The following ADGRL1 variants were observed in gnomAD, a reference collection of about 807,000 sequenced individuals.
The protein encoded by ADGRL1 is CIRL-1.
A neutral mutation model predicts 148.9 loss-of-function variants in ADGRL1; 31 were observed. The observed-to-expected ratio is 0.21, with a 90% CI of 0.16 to 0.28. The LOEUF (loss-of-function observed/expected upper bound fraction) is 0.28, where lower values mean the gene tolerates loss of function less well. ADGRL1 is among the 10% of genes least tolerant of loss of function. The pLI is 1.00. For synonymous variants in ADGRL1, 937 were observed against 900.3 expected (o/e 1.04, Z -0.73); for missense variants, 1,521 against 2,058.8 (o/e 0.74, Z 5.05).
chr19:14,205,419 C>A (rs1309075154), intron 1 of ADGRL1, among the ~76,000 whole-genome samples: 1 of 151,948 alleles, frequency 6.6e-6, no homozygotes, highest in African/African-American at 2.4e-5. Context: ...CCAGACGGAC[C>A]CCTCCCCATC....
Position 14,155,568 on chromosome 19 carries a change from G to A in ADGRL1, c.3126-41C>T, listed in dbSNP as rs773912156. 9.3e-6 allele frequency: 15 copies of A among 1,606,528 alleles called. No individual in the cohort carries two copies. The highest frequency in any genetic ancestry group is 1.7e-5 in the Admixed American group (1 of 59,848). On this transcript the variant is annotated intron_variant, in intron 17 of 22. Coordinates refer to ENST00000361434, the MANE Select transcript of ADGRL1 (RefSeq NM_014921.5). The surrounding 1 kb of genome is among the most constrained non-coding windows in gnomAD (Gnocchi z 5.0). ...CAGGGGAGTCAAAGTACCCGCCGGA[G>A]GGGACGGCCTCAGCCCAGGCCTCCC...
At chr19:14,204,476 G>A (rs758013483) in intron 1 of ADGRL1, among the ~76,000 whole-genome samples, 2 of 152,058 alleles carry the variant, frequency 1.3e-5, no homozygotes, top group African/African-American at 4.8e-5. Flanking sequence ...AAGGAGTGGG[G>A]TCTGGGGTCA....
intron 1 of ADGRL1, among the ~76,000 whole-genome samples, chr19:14,185,907 A>G (rs1346807678): frequency 1.3e-5 from 2 of 151,964 alleles, no homozygotes; most frequent in African/African-American, 4.8e-5. Flanking sequence ...TGCTTCCTCC[A>G]CCTGTAGCTT....
At chr19:14,178,215 G>GC (rs369053430) in intron 2 of ADGRL1, among the ~76,000 whole-genome samples, 132 of 152,198 alleles carry the variant, frequency 8.7e-4, no homozygotes, top group African/African-American at 3.0e-3. Context: ...ATAAAAACGG[G>GC]CAATTTTGGC....
chr19:14,163,294 G>T lies in ADGRL1; in HGVS notation c.507C>A (p.Ile169=). ...CKDPLQAGDR[I]YVMPWIPYRT... ...GGTAGGGGATCCAGGGCATCACGTA[G>T]ATGCGGTCACCCGCCTGCAGCGGGT... Residue 169 remains isoleucine (I), a synonymous_variant, in exon 5 of 23, where the codon ATC becomes ATA. Coordinates refer to ENST00000361434, the MANE Select transcript of ADGRL1 (RefSeq NM_014921.5). The T allele has an allele frequency of 1.9e-6, 3 of 1,613,560 alleles. No individual in the cohort carries two copies. The highest frequency in any genetic ancestry group is 2.5e-6 in the Non-Finnish European group (3 of 1,179,978).
In ADGRL1 at chr19:14,150,867, G is replaced by A. The variant is rs371738251; in HGVS notation, c.*6C>T. 51 of 1,611,070 alleles carry A rather than the reference G, an allele frequency of 3.2e-5. No individual in the cohort carries two copies. In the African/African-American group the frequency reaches 6.5e-4, roughly 21 times the overall value. On this transcript the variant is annotated 3_prime_UTR_variant, in exon 23 of 23. Transcript: ENST00000361434. Reference sequence around the variant, plus strand: ...GGGCCACCAGCCCCTGGTCCATGAGGTGCCCTCAGAGACTGGTGACCAGCT... The same window carrying A: ...GGGCCACCAGCCCCTGGTCCATGAGATGCCCTCAGAGACTGGTGACCAGCT...
intron 3 of ADGRL1, among the ~76,000 whole-genome samples, chr19:14,176,147 G>A (rs1321166191): frequency 2.0e-5 from 3 of 151,764 alleles, no homozygotes; most frequent in African/African-American, 7.3e-5. Context: ...TCAAGAGATC[G>A]AGACCATCCT....
intron 1 of ADGRL1, among the ~76,000 whole-genome samples, chr19:14,202,033 A>T (rs1166232232): frequency 6.6e-6 from 1 of 152,122 alleles, no homozygotes; most frequent in African/African-American, 2.4e-5. Flanking sequence ...CCTCCGTGGC[A>T]GAACAGCCAG....
chr19:14,203,710 C>T (rs759642450), intron 1 of ADGRL1, among the ~76,000 whole-genome samples: 171 of 152,302 alleles, frequency 1.1e-3, no homozygotes, highest in Non-Finnish European at 1.9e-3. Flanking sequence ...CCACCCCCTC[C>T]CTGCAGGCTC....
intron 2 of ADGRL1, among the ~76,000 whole-genome samples, chr19:14,183,218 C>CGAGAGA (rs1262220395): frequency 4.8e-5 from 6 of 124,868 alleles, no homozygotes; most frequent in African/African-American, 1.4e-4. Context: ...AGAGAGAGAG[C>CGAGAGA]GAGAGAGAGA....
In ADGRL1 at chr19:14,155,428, A is replaced by G. The variant is rs757972734; in HGVS notation, c.3225T>C (p.Tyr1075=). ...GGAAGGCGTTGAAGGTGGTGAAGAG[A>G]TAGGCCATGACCACCGACTCCTTGT... is the stretch of plus-strand genomic sequence containing the variant. The part of the protein sequence containing the change: ...FINKESVVMA[Y]LFTTFNAFQG... Residue 1075 remains tyrosine, a synonymous_variant, in exon 18 of 23, where the codon TAT becomes TAC. Transcript: ENST00000361434. This position sits in a 1 kb window ranked among gnomAD's most constrained non-coding sequence, Gnocchi z 5.0. The G allele has an allele frequency of 6.2e-7, 1 of 1,614,042 alleles. No individual in the cohort carries two copies. The highest frequency in any genetic ancestry group is 8.5e-7 in the Non-Finnish European group (1 of 1,179,978).
chr19:14,179,968 G>A (rs1971078456), intron 2 of ADGRL1, among the ~76,000 whole-genome samples: 1 of 152,128 alleles, frequency 6.6e-6, no homozygotes, highest in Admixed American at 6.5e-5. Flanking sequence ...ACAGGACTTG[G>A]GGCAGGAGCT....
Position 14,151,628 on chromosome 19 carries a change from AAGG to A in ADGRL1, c.3668-16_3668-14del. ...CCCAAGGGGTGCTCTGCAGGGCAGA[AAGG>A]GGCTGGTCAGGTTGAAGAGGGGCCC... is the stretch of plus-strand genomic sequence containing the variant. On this transcript the variant is annotated splice_polypyrimidine_tract_variant and intron_variant, in intron 22 of 22. Coordinates refer to ENST00000361434, the MANE Select transcript of ADGRL1 (RefSeq NM_014921.5). 1 of 1,581,274 alleles carries A rather than the reference AAGG, an allele frequency of 6.3e-7. No homozygotes were observed. The highest frequency in any genetic ancestry group is 8.5e-7 in the Non-Finnish European group (1 of 1,170,994).
At chr19:14,184,630 A>ATTTTTTT (rs1568618689) in intron 1 of ADGRL1, among the ~76,000 whole-genome samples, 1 of 88,488 alleles carries the variant, frequency 1.1e-5, no homozygotes, top group Admixed American at 1.1e-4. Context: ...TTATTTATTT[A>ATTTTTTT]TTTATTTATT....
chr19:14,170,981 G>A, intron 3 of ADGRL1, 190 bp from the exon 4 acceptor site: 1 of 546,922 alleles, frequency 1.8e-6, no homozygotes. Context: ...GATCTCCAGT[G>A]TTGGAGGTGG....
intron 4 of ADGRL1, 109 bp from the exon 5 acceptor site, chr19:14,163,515 T>A: frequency 2.5e-6 from 2 of 794,566 alleles, no homozygotes; most frequent in Middle Eastern, 3.8e-4. Context: ...GAGAGGCAAG[T>A]TGGTCACGCT....
chr19:14,177,578 C>A lies in ADGRL1; in HGVS notation c.237G>T (p.Glu79Asp). 6.2e-7 allele frequency: 1 copy of A among 1,614,246 alleles called. No individual in the cohort carries two copies. The highest frequency in any genetic ancestry group is 1.3e-5 in the African/African-American group (1 of 75,064). The change falls in exon 3 of 23, where the codon GAG (glutamate) becomes GAT (aspartate). Residue 79 changes from glutamate (E) to aspartate (D), a missense_variant. Glu to Asp is a conservative substitution (Grantham distance 45). Around this residue, in one of 8 missense-constraint regions of ADGRL1, gnomAD observed 334 missense variants for 512.5 expected, o/e 0.65. Coordinates refer to ENST00000361434, the MANE Select transcript of ADGRL1 (RefSeq NM_014921.5). Reference sequence around the variant, plus strand: ...CGTCCGGCAGGTAGCACTGCACATTCTCCATCTGGAAAGGGTCAGCATCGC... The same window carrying A: ...CGTCCGGCAGGTAGCACTGCACATTATCCATCTGGAAAGGGTCAGCATCGC... ...KICDADPFQM[E>D]NVQCYLPDAF...
At chr19:14,151,711 A>G in intron 22 of ADGRL1, 96 bp from the exon 23 acceptor site, 1 of 1,248,040 alleles carries the variant, frequency 8.0e-7, no homozygotes, top group South Asian at 1.4e-5. Flanking sequence ...AGTGGGCTTG[A>G]TTCCTGCTGG....
At chr19:14,197,213 A>G (rs1372444706) in intron 1 of ADGRL1, among the ~76,000 whole-genome samples, 1 of 152,098 alleles carries the variant, frequency 6.6e-6, no homozygotes, top group Non-Finnish European at 1.5e-5. Context: ...TCAAGGCTGC[A>G]GTGAGCTATG....
Sources: allele counts gnomAD v4.1 joint callset (sites outside exome capture counted in the v4.1 genomes callset), GRCh38; gene constraint gnomAD v4.1.1; regional missense constraint gnomAD v4.1.1; non-coding constraint Gnocchi (gnomAD v3.1); transcripts MANE v1.5; gene names NCBI Gene and HGNC (gene_info 2026-07-23, HGNC 2026-07-21).